The following KCNQ3 variants were observed in gnomAD, a reference collection of about 807,000 sequenced individuals.
KCNQ3 encodes potassium voltage-gated channel subfamily Q member 3.
A neutral mutation model predicts 92.5 loss-of-function variants in KCNQ3; 30 were observed. The observed-to-expected ratio is 0.32, with a 90% CI of 0.24 to 0.44. The LOEUF is 0.44. KCNQ3 is among the 20% of genes least tolerant of loss of function. KCNQ3 has a pLI of 1.00. For missense variants in KCNQ3, 913 were observed against 1,140.3 expected (o/e 0.80, Z 2.87); for synonymous variants, 450 against 468.8 (o/e 0.96, Z 0.52).
rs112249707 is a variant in KCNQ3 at position 132,323,145 on chromosome 8, C to A, written c.387-136964G>T. ...GGAGACCCTATGCCAAGCACTGAGG[C>A]CCGCACTCTTTATTAACAGCTCAGT... On this transcript the variant is annotated intron_variant, in intron 1 of 14. Transcript: ENST00000388996. Among the ~76,000 whole-genome samples, 1,153 of 152,258 alleles carry A rather than the reference C, an allele frequency of 7.6e-3. 17 individuals are homozygous for A. Among genetic ancestry groups the A allele is most frequent in the African/African-American group, 0.026 (1,094 of 41,534 alleles).
At chr8:132,191,757 G>A (rs1034439536) in intron 1 of KCNQ3, among the ~76,000 whole-genome samples, 1 of 151,932 alleles carries the variant, frequency 6.6e-6, no homozygotes, top group African/African-American at 2.4e-5. Flanking sequence ...GACCAGAGAG[G>A]AGGAGGGTGC....
chr8:132,161,916 T>C (rs919259274), intron 9 of KCNQ3, among the ~76,000 whole-genome samples: 3 of 152,238 alleles, frequency 2.0e-5, no homozygotes, highest in Admixed American at 2.0e-4. Context: ...TAATCACACC[T>C]GGCATCTCAA....
chr8:132,441,076 G>A (rs1587022602), intron 1 of KCNQ3, among the ~76,000 whole-genome samples: 2 of 152,332 alleles, frequency 1.3e-5, no homozygotes, highest in East Asian at 1.9e-4. Context: ...AAGAGGAGAA[G>A]TAACTTACCT....
In KCNQ3 at chr8:132,121,540, A is replaced by G. The variant is rs138128512; in HGVS notation, c.*7722T>C. On this transcript the variant is annotated 3_prime_UTR_variant, in exon 15 of 15. Coordinates refer to ENST00000388996, the MANE Select transcript of KCNQ3 (RefSeq NM_004519.4). The stretch of plus-strand genomic sequence containing the variant: ...GGGGTGGGAACTGCCCCCTCCTTGG[A>G]AAAGTATTCAGAGGGGTATAGAAGG... The G allele has an allele frequency of 6.6e-6, 1 of 152,138 alleles. No homozygotes were observed. The highest frequency in any genetic ancestry group is 1.9e-4 in the East Asian group (1 of 5,202). The allele number at this position is 152,138 out of a possible 1,614,324, so 9.4% of individuals were successfully genotyped here.
chr8:132,332,305 G>A (rs188456978), intron 1 of KCNQ3, among the ~76,000 whole-genome samples: 69 of 152,202 alleles, frequency 4.5e-4, no homozygotes, highest in Admixed American at 1.8e-3. Flanking sequence ...CAATAGCTCC[G>A]GAGAAACACA....
At chr8:132,263,324 C>T (rs1815854070) in intron 1 of KCNQ3, among the ~76,000 whole-genome samples, 1 of 152,222 alleles carries the variant, frequency 6.6e-6, no homozygotes, top group Admixed American at 6.5e-5. Flanking sequence ...GGGCTGACTT[C>T]CTGGAGCCTG....
intron 1 of KCNQ3, among the ~76,000 whole-genome samples, chr8:132,234,714 C>T (rs1050001953): frequency 6.6e-6 from 1 of 152,192 alleles, no homozygotes; most frequent in African/African-American, 2.4e-5. Flanking sequence ...TGATTTGACT[C>T]TGGTTAGGCA....
intron 1 of KCNQ3, among the ~76,000 whole-genome samples, chr8:132,242,383 C>A (rs992451239): frequency 1.6e-4 from 25 of 152,092 alleles, no homozygotes; most frequent in African/African-American, 5.8e-4. Context: ...TCATACCTTG[C>A]CTTATCTGAT....
At chr8:132,172,542 T>C (rs1031378739) in intron 7 of KCNQ3, 56 bp downstream of exon 7, 12 of 1,442,942 alleles carry the variant, frequency 8.3e-6, no homozygotes, top group Non-Finnish European at 1.1e-5. Flanking sequence ...CACACACACG[T>C]ATGTACATAT....
intron 1 of KCNQ3, among the ~76,000 whole-genome samples, chr8:132,326,437 C>T (rs979515637): frequency 6.6e-6 from 1 of 152,156 alleles, no homozygotes; most frequent in Non-Finnish European, 1.5e-5. Context: ...CCAGTCCCTG[C>T]CCCCAGGCAG....
chr8:132,167,492 A>T (rs1383074694), intron 8 of KCNQ3, among the ~76,000 whole-genome samples: 1 of 152,206 alleles, frequency 6.6e-6, no homozygotes, highest in Non-Finnish European at 1.5e-5. Flanking sequence ...AAGCATAAAC[A>T]AAAGACAAGA....
chr8:132,126,415 A>C lies in KCNQ3; in HGVS notation c.*2847T>G, dbSNP rs138023368. 1 of 152,182 alleles carries C rather than the reference A, an allele frequency of 6.6e-6. No homozygotes were observed. Among genetic ancestry groups the C allele is most frequent in the Non-Finnish European group, 1.5e-5 (1 of 68,034 alleles). 9.4% of individuals were successfully genotyped at this position (152,182 alleles called of 1,614,324 possible). A position where few individuals can be genotyped will look rare whatever the true frequency, so the allele number is the denominator to read the frequency against. ...GCCATATTGTTGAGATTGTCTGTGC[A>C]TAGGCAACTTGAGCAGGTTTGGTTT... On this transcript the variant is annotated 3_prime_UTR_variant, in exon 15 of 15. Coordinates refer to ENST00000388996, the MANE Select transcript of KCNQ3 (RefSeq NM_004519.4).
At chr8:132,367,590 A>G (rs372618404) in intron 1 of KCNQ3, among the ~76,000 whole-genome samples, 2 of 152,234 alleles carry the variant, frequency 1.3e-5, no homozygotes, top group African/African-American at 4.8e-5. Context: ...AGTTTTCCCT[A>G]CAAATGTTTC....
chr8:132,324,106 C>A (rs1220036616), intron 1 of KCNQ3, among the ~76,000 whole-genome samples: 1 of 152,182 alleles, frequency 6.6e-6, no homozygotes, highest in Non-Finnish European at 1.5e-5. Context: ...TCTGTAATTC[C>A]CTCTGGATAA....
intron 9 of KCNQ3, among the ~76,000 whole-genome samples, chr8:132,153,831 A>G (rs1825710914): frequency 6.6e-6 from 1 of 151,996 alleles, no homozygotes; most frequent in Non-Finnish European, 1.5e-5. Context: ...GGAAGGAGAG[A>G]AAAAGGAATG....
Position 132,391,954 on chromosome 8 carries a change from G to A in KCNQ3, c.386+88193C>T, listed in dbSNP as rs549713190. On this transcript the variant is annotated intron_variant, in intron 1 of 14. Transcript: ENST00000388996. ...TAATAATCCATCCTAAAGCCTCACCGAATATACACTCTGACACTGTGTGTC... is the reference window on the plus strand; with the variant it reads ...TAATAATCCATCCTAAAGCCTCACCAAATATACACTCTGACACTGTGTGTC... Among the ~76,000 whole-genome samples, 55 of 152,262 alleles carry A rather than the reference G, an allele frequency of 3.6e-4. 1 individual carries two copies. In the South Asian group the frequency reaches 7.5e-3, roughly 21 times the overall value.
intron 1 of KCNQ3, among the ~76,000 whole-genome samples, chr8:132,401,691 C>T (rs1820337924): frequency 1.3e-5 from 2 of 152,146 alleles, no homozygotes; most frequent in Admixed American, 1.3e-4. Flanking sequence ...ACACTTTTAA[C>T]TGCAACAATA....
chr8:132,478,777 G>A (rs1822470791), intron 1 of KCNQ3, among the ~76,000 whole-genome samples: 1 of 152,020 alleles, frequency 6.6e-6, no homozygotes, highest in Non-Finnish European at 1.5e-5. Flanking sequence ...CCTCCTTGAA[G>A]AAACCTGTTG....
intron 1 of KCNQ3, among the ~76,000 whole-genome samples, chr8:132,208,305 G>A (rs1464534306): frequency 6.6e-6 from 1 of 151,904 alleles, no homozygotes; most frequent in African/African-American, 2.4e-5. Context: ...GCGGTCAACA[G>A]TATCCTACTA....
Sources: allele counts gnomAD v4.1 joint callset (sites outside exome capture counted in the v4.1 genomes callset), GRCh38; gene constraint gnomAD v4.1.1; transcripts MANE v1.5; gene names NCBI Gene and HGNC (gene_info 2026-07-23, HGNC 2026-07-21).